Variants in SYNE2 observed in about 807,000 individuals in gnomAD.
SYNE2 encodes the protein spectrin repeat containing nuclear envelope protein 2.
In SYNE2, 431 loss-of-function variants were observed where a neutral mutation model predicts 856.3. The ratio of observed to expected loss-of-function variants is 0.50; its 90% confidence interval spans 0.47 to 0.55. The LOEUF (loss-of-function observed/expected upper bound fraction) is 0.55, where lower values mean the gene tolerates loss of function less well. SYNE2 is among the 20% of genes least tolerant of loss of function. SYNE2 has a pLI of 0.00. For synonymous variants in SYNE2, 2,923 were observed against 2,872.3 expected, an observed-to-expected ratio of 1.02 and a Z score of -0.56; for missense variants, 8,129 against 8,023.2, an observed-to-expected ratio of 1.01 and a Z score of -0.50.
At chr14:64,054,538 A>G (rs902626213) in intron 48 of SYNE2, among the ~76,000 whole-genome samples, 4 of 152,254 alleles carry the variant, frequency 2.6e-5, no homozygotes, top group South Asian at 2.1e-4. Context: ...CTCATGGTCC[A>G]TGGGCCAAAT....
chr14:63,806,998 A>G lies in SYNE2; in HGVS notation c.-305+45012A>G, dbSNP rs552029353. ...TCAAACTGCTAGGATTACAGGTGTG[A>G]GCCACTGAAGCCCATCCACATTTCT... On this transcript the variant is annotated intron_variant, in intron 1 of 23. Coordinates refer to the SYNE2 transcript ENST00000674003. Among the ~76,000 whole-genome samples the G allele has an allele frequency of 2.6e-5, 4 of 151,892 alleles. No individual in the cohort carries two copies. In the South Asian group the frequency reaches 8.3e-4, roughly 32 times the overall value.
chr14:63,852,021 G>GT (rs1491582276), upstream of SYNE2, among the ~76,000 whole-genome samples: 2 of 95,956 alleles, frequency 2.1e-5, no homozygotes, highest in African/African-American at 4.0e-5. Flanking sequence ...GGGGGGGGGG[G>GT]GTTGAGGCTG....
At chr14:63,938,860 T>C (rs754096029) in intron 2 of SYNE2, among the ~76,000 whole-genome samples, 22 of 151,878 alleles carry the variant, frequency 1.4e-4, no homozygotes, top group Non-Finnish European at 2.5e-4. Context: ...ATGAGAAAAG[T>C]TGGGGGGATA....
intron 1 of SYNE2, among the ~76,000 whole-genome samples, chr14:63,804,247 C>T (rs1888270559): frequency 6.6e-6 from 1 of 152,082 alleles, no homozygotes; most frequent in Admixed American, 6.6e-5. Context: ...GAATTAAGTT[C>T]CCTATAGGTT....
chr14:64,102,910 A>G (rs2153643005), intron 64 of SYNE2, among the ~76,000 whole-genome samples: 1 of 152,106 alleles, frequency 6.6e-6, no homozygotes, highest in East Asian at 1.9e-4. Context: ...AGTATTTATC[A>G]TTCTGTGCCT....
At chr14:63,948,162 CACAT>C (rs1414975644) in intron 6 of SYNE2, among the ~76,000 whole-genome samples, 1,642 of 109,910 alleles carry the variant, frequency 0.015, 37 homozygotes, top group African/African-American at 0.045. Flanking sequence ...CACAGACACA[CACAT>C]ACACACACAC....
Position 64,215,985 on chromosome 14 carries a change from G to A in SYNE2, c.19403-263G>A, listed in dbSNP as rs755661684. 3.4e-4 allele frequency: 476 copies of A among 1,404,630 alleles called. 1 individual carries two copies. Among genetic ancestry groups the A allele is most frequent in the Non-Finnish European group, 4.2e-4 (451 of 1,072,616 alleles). The allele number at this position is 1,404,630 out of a possible 1,614,324, so 87.0% of individuals were successfully genotyped here. On this transcript the variant is annotated intron_variant, in intron 107 of 115. Coordinates refer to ENST00000555002, the MANE Select transcript of SYNE2 (RefSeq NM_182914.3). ...TTGCCACTCAGTGTCCCTACCACTC[G>A]AGACCCTGGCTCCAAAACGCCACTC...
At chr14:64,132,138 ACT>A in intron 76 of SYNE2, 125 bp from the exon 77 acceptor site, 1 of 1,103,320 alleles carries the variant, frequency 9.1e-7, no homozygotes, top group South Asian at 1.4e-5. Context: ...GGTCAATTTG[ACT>A]CTACACGGAT....
At chr14:63,883,620 T>C (rs1218305608) in intron 1 of SYNE2, among the ~76,000 whole-genome samples, 1 of 152,210 alleles carries the variant, frequency 6.6e-6, no homozygotes, top group Non-Finnish European at 1.5e-5. Flanking sequence ...CCTCCCAAAG[T>C]GCTGAGATTA....
At chr14:64,066,631 A>T (rs887812773) in intron 51 of SYNE2, among the ~76,000 whole-genome samples, 3 of 152,232 alleles carry the variant, frequency 2.0e-5, no homozygotes, top group Admixed American at 1.3e-4. Flanking sequence ...GTGAGGCCTG[A>T]CTAGTGAATA....
intron 11 of SYNE2, among the ~76,000 whole-genome samples, chr14:63,968,100 T>C (rs1595928811): frequency 6.6e-6 from 1 of 152,094 alleles, no homozygotes; most frequent in South Asian, 2.1e-4. Context: ...GAGGCAGAGG[T>C]TGCAGTGAGC....
rs1340190546 is a variant in SYNE2, at chr14:63,993,954, C to G, written c.2766C>G (p.Val922=). The G allele has an allele frequency of 1.2e-6, 2 of 1,613,728 alleles. No individual in the cohort carries two copies. Among genetic ancestry groups the G allele is most frequent in the Non-Finnish European group, 1.7e-6 (2 of 1,179,780 alleles). ...KMSLEEKSRD[V]CAKWESLHHE... ...CTTTAGAAGAAAAGAGTAGAGATGTCTGTGCCAAATGGGAGGTAAGAACAT... is the reference window on the plus strand; with the variant it reads ...CTTTAGAAGAAAAGAGTAGAGATGTGTGTGCCAAATGGGAGGTAAGAACAT... Residue 922 remains valine (V), a synonymous_variant, in exon 22 of 116, where the codon GTC becomes GTG. Coordinates refer to ENST00000555002, the MANE Select transcript of SYNE2 (RefSeq NM_182914.3).
intron 50 of SYNE2, among the ~76,000 whole-genome samples, chr14:64,063,105 G>A (rs1047522613): frequency 6.6e-6 from 1 of 152,200 alleles, no homozygotes; most frequent in Admixed American, 6.5e-5. Context: ...GTGCAGTCAT[G>A]CAGTCTTGGC....
At chr14:64,000,427 A>G (rs1420946147) in intron 27 of SYNE2, 135 bp from the exon 28 acceptor site, 2 of 814,010 alleles carry the variant, frequency 2.5e-6, no homozygotes, top group African/African-American at 3.4e-5. Context: ...GTGGTTGGAA[A>G]GTATTTTTAA....
rs1947976775 is a variant in SYNE2, at chr14:64,050,391, CTG to C, written c.7643+517_7643+518del. On this transcript the variant is annotated intron_variant, in intron 47 of 115. Coordinates refer to ENST00000555002, the MANE Select transcript of SYNE2 (RefSeq NM_182914.3). ...ATTCAGACCATAGCATTTAAGGAAA[CTG>C]TTGGTTTCATGCAAAAAATAATTTA... Among the ~76,000 whole-genome samples, 7 of 152,316 alleles carry C rather than the reference CTG, an allele frequency of 4.6e-5. No homozygotes were observed. In the South Asian group the frequency reaches 1.4e-3, roughly 32 times the overall value.
rs34904926 is a variant in SYNE2 at position 63,990,798 on chromosome 14, A to G, written c.2473-144A>G. 5.3e-3 allele frequency: 4,134 copies of G among 786,968 alleles called. 24 individuals are homozygous for G. Among genetic ancestry groups the G allele is most frequent in the Non-Finnish European group, 7.4e-3 (3,507 of 475,398 alleles). 48.7% of individuals were successfully genotyped at this position (786,968 alleles called of 1,614,324 possible). A position where few individuals can be genotyped will look rare whatever the true frequency, so the allele number is the denominator to read the frequency against. On this transcript the variant is annotated intron_variant, in intron 20 of 115. Transcript: ENST00000555002. ...TGGATAGATATCTAAATTTAGATAG[A>G]TTTATAATTTAGATAGATTTATCAT... is the stretch of plus-strand genomic sequence containing the variant.
chr14:63,910,404 T>C (rs977886976), intron 2 of SYNE2, among the ~76,000 whole-genome samples: 31 of 152,338 alleles, frequency 2.0e-4, no homozygotes, highest in African/African-American at 7.2e-4. Context: ...ATCAGCCTTT[T>C]CAAAGTAATT....
chr14:64,025,598 T>C (rs1243544002), intron 41 of SYNE2, among the ~76,000 whole-genome samples, 177 bp downstream of exon 41: 1 of 152,200 alleles, frequency 6.6e-6, no homozygotes, highest in Non-Finnish European at 1.5e-5. Context: ...CTAAAATTAC[T>C]TGGATGCACA....
intron 17 of SYNE2, among the ~76,000 whole-genome samples, chr14:63,983,220 C>A (rs150275927): frequency 2.0e-5 from 3 of 152,276 alleles, no homozygotes; most frequent in Non-Finnish European, 4.4e-5. Flanking sequence ...TTTATCCGTT[C>A]TCTAGTTTAT....
Sources: gnomAD v4.1 joint callset for allele counts (sites outside exome capture counted in the v4.1 genomes callset) on GRCh38, gnomAD v4.1.1 for gene constraint, MANE v1.5 for transcripts, NCBI Gene and HGNC (gene_info 2026-07-23, HGNC 2026-07-21) for gene names.